CALN1: variants seen among roughly 807,000 people sequenced by gnomAD.
The protein encoded by CALN1 is calcium-binding protein 8.
A neutral mutation model predicts 30.6 loss-of-function variants in CALN1; 17 were observed. The observed-to-expected ratio is 0.56, with a 90% CI of 0.38 to 0.83. The LOEUF is 0.83. CALN1 is among the 40% of genes least tolerant of loss of function. The probability of loss-of-function intolerance (pLI) is 0.00; values close to 1 mark genes in which losing one functional copy is unlikely to be tolerated. For missense variants in CALN1, 291 were observed against 354.9 expected (o/e 0.82, Z 1.45); for synonymous variants, 156 against 131.4 (o/e 1.19, Z -1.28).
At chr7:72,169,586 G>T (rs1047466912) in intron 3 of CALN1, among the ~76,000 whole-genome samples, 1 of 151,350 alleles carries the variant, frequency 6.6e-6, no homozygotes, top group Non-Finnish European at 1.5e-5. Flanking sequence ...GCCTCTCAAA[G>T]TGCTGAGGTT....
intron 2 of CALN1, among the ~76,000 whole-genome samples, chr7:72,323,700 A>G (rs1228464372): frequency 1.3e-5 from 2 of 151,154 alleles, no homozygotes; most frequent in African/African-American, 4.9e-5. Flanking sequence ...ACAAAAAGAG[A>G]AAGAAAAAAA....
chr7:72,375,032 A>G (rs537521082), intron 2 of CALN1, among the ~76,000 whole-genome samples: 1 of 152,210 alleles, frequency 6.6e-6, no homozygotes, highest in Non-Finnish European at 1.5e-5. Flanking sequence ...AAAATATAAA[A>G]AAGGCATCCA....
At chr7:72,503,770 A>G in the CALN1 span, among the ~76,000 whole-genome samples, 3 of 152,060 alleles carry the variant, frequency 2.0e-5, no homozygotes, top group African/African-American at 7.2e-5. Context: ...TCCTTGGTTT[A>G]TATACATCCT....
chr7:71,889,461 C>T (rs546346684), intron 5 of CALN1, among the ~76,000 whole-genome samples: 25 of 152,276 alleles, frequency 1.6e-4, no homozygotes, highest in Non-Finnish European at 3.2e-4. Context: ...TAGCTTCCCC[C>T]CATTTGCAAA....
intron 2 of CALN1, among the ~76,000 whole-genome samples, chr7:72,402,174 G>A (rs1446551432): frequency 6.6e-6 from 1 of 152,176 alleles, no homozygotes; most frequent in South Asian, 2.1e-4. Context: ...TCCCCAGTAG[G>A]TAAGCGTTCT....
At chr7:71,798,472 T>C (rs1269724071) in intron 6 of CALN1, among the ~76,000 whole-genome samples, 1 of 152,028 alleles carries the variant, frequency 6.6e-6, no homozygotes, top group Non-Finnish European at 1.5e-5. Context: ...CTTGGCTAAT[T>C]TTTTAAAAAA....
At chr7:72,008,318 T>C (rs926222723) in intron 5 of CALN1, among the ~76,000 whole-genome samples, 3 of 152,082 alleles carry the variant, frequency 2.0e-5, no homozygotes, top group African/African-American at 7.2e-5. Flanking sequence ...AAATATTATC[T>C]ACAATTATAG....
chr7:72,015,547 T>C (rs1800330336), intron 5 of CALN1, among the ~76,000 whole-genome samples: 1 of 152,010 alleles, frequency 6.6e-6, no homozygotes, highest in South Asian at 2.1e-4. Flanking sequence ...TCCGACAATG[T>C]CCTCACCTCA....
At chr7:72,022,250 G>A (rs1800747606) in intron 5 of CALN1, among the ~76,000 whole-genome samples, 1 of 152,134 alleles carries the variant, frequency 6.6e-6, no homozygotes, top group Non-Finnish European at 1.5e-5. Context: ...TAGTTATTGA[G>A]GGCTTGCTGT....
In CALN1 at chr7:71,974,156, G is replaced by A. The variant is rs1241041457; in HGVS notation, c.501+49501C>T. 4.6e-5 allele frequency among the ~76,000 whole-genome samples: 7 copies of A among 152,184 alleles called. No individual in the cohort carries two copies. The East Asian group carries it at 7.8e-4, about 17-fold the overall frequency. ...AGCTTGGCTGGGCATGGTGGTTCACGCCTGTAATCCCAGCACTTTGGGAGG... is the reference window on the plus strand; with the variant it reads ...AGCTTGGCTGGGCATGGTGGTTCACACCTGTAATCCCAGCACTTTGGGAGG... On this transcript the variant is annotated intron_variant, in intron 5 of 6. Coordinates refer to ENST00000395275, the MANE Select transcript of CALN1 (RefSeq NM_031468.4).
At chr7:71,996,929 G>A (rs1358530485) in intron 5 of CALN1, among the ~76,000 whole-genome samples, 3 of 152,006 alleles carry the variant, frequency 2.0e-5, no homozygotes, top group Non-Finnish European at 2.9e-5. Context: ...GTAAATAGGA[G>A]TTATAAAAAA....
intron 1 of CALN1, among the ~76,000 whole-genome samples, chr7:72,423,848 A>C (rs1807701119): frequency 6.6e-6 from 1 of 151,356 alleles, no homozygotes; most frequent in Non-Finnish European, 1.5e-5. Flanking sequence ...AAAGAAATAA[A>C]GAAAAAAGAA....
intron 3 of CALN1, among the ~76,000 whole-genome samples, chr7:72,254,086 C>T (rs890269599): frequency 6.6e-6 from 1 of 152,050 alleles, no homozygotes; most frequent in Non-Finnish European, 1.5e-5. Flanking sequence ...TCCATTTCTG[C>T]TCTTCTTGGT....
intron 6 of CALN1, among the ~76,000 whole-genome samples, chr7:71,790,199 A>C (rs1231141766): frequency 1.3e-5 from 2 of 151,390 alleles, no homozygotes; most frequent in Admixed American, 6.6e-5. Flanking sequence ...AGAAAGAGAG[A>C]AACAAAGAAA....
At chr7:72,083,684 G>A (rs1381299728) in intron 4 of CALN1, among the ~76,000 whole-genome samples, 1 of 152,090 alleles carries the variant, frequency 6.6e-6, no homozygotes, top group East Asian at 1.9e-4. Flanking sequence ...ACTTTGGGAG[G>A]CCGAGGCAGG....
chr7:72,304,726 A>T (rs1298269497), intron 2 of CALN1, among the ~76,000 whole-genome samples: 2 of 152,202 alleles, frequency 1.3e-5, no homozygotes, highest in Non-Finnish European at 2.9e-5. Context: ...CTATATAAAT[A>T]TAATTACCTG....
intron 3 of CALN1, among the ~76,000 whole-genome samples, chr7:72,168,516 T>C (rs1418302065): frequency 6.6e-6 from 1 of 152,210 alleles, no homozygotes; most frequent in Non-Finnish European, 1.5e-5. Context: ...TTCCAAGCAT[T>C]ACAAGAAATG....
chr7:72,322,980 G>A (rs1008676154), intron 2 of CALN1, among the ~76,000 whole-genome samples: 1 of 150,006 alleles, frequency 6.7e-6, no homozygotes, highest in Non-Finnish European at 1.5e-5. Context: ...TGGGTGGAGT[G>A]GGAACAGAAA....
intron 2 of CALN1, among the ~76,000 whole-genome samples, chr7:72,315,132 AGAGT>A (rs1800351589): frequency 1.3e-5 from 2 of 152,144 alleles, no homozygotes; most frequent in Admixed American, 6.5e-5. Flanking sequence ...CCTAGGTGAC[AGAGT>A]GAGACCCTGT....
Sources: allele counts gnomAD v4.1 joint callset (sites outside exome capture counted in the v4.1 genomes callset), GRCh38; gene constraint gnomAD v4.1.1; transcripts MANE v1.5; gene names NCBI Gene and HGNC (gene_info 2026-07-23, HGNC 2026-07-21).